PCGF2: variants seen among roughly 807,000 people sequenced by gnomAD.
The protein encoded by PCGF2 is polycomb group ring finger 2.
PCGF2 carries 8 observed loss-of-function variants against 36.1 expected under a neutral mutation model. That is an observed-to-expected ratio of 0.22 (90% CI 0.13 to 0.40). The LOEUF is 0.40. Among genes scored for constraint, PCGF2 ranks in the 10% least tolerant of loss-of-function variants. The pLI is 1.00. For synonymous variants in PCGF2, 198 were observed against 191.2 expected, an observed-to-expected ratio of 1.04 and a Z score of -0.29; for missense variants, 436 against 475.9, an observed-to-expected ratio of 0.92 and a Z score of 0.78.
At chr17:38,738,705 G>A in intron 7 of PCGF2, 48 bp downstream of exon 7, 1 of 1,578,144 alleles carries the variant, frequency 6.3e-7, no homozygotes, top group Non-Finnish European at 8.7e-7. Context: ...GGGAGAAGGG[G>A]TTACCCAGAC....
At chr17:38,736,637 A>T (rs1906759907) in intron 9 of PCGF2, among the ~76,000 whole-genome samples, 1 of 151,940 alleles carries the variant, frequency 6.6e-6, no homozygotes. Context: ...GATCGAGACC[A>T]TCCTGGCTAA....
chr17:38,749,358 C>T (rs950155720), upstream of PCGF2: 16 of 247,692 alleles, frequency 6.5e-5, 1 homozygote, highest in South Asian at 6.3e-4. This position sits in a 1 kb window ranked among gnomAD's most constrained non-coding sequence, Gnocchi z 6.5. Context: ...CGCCCCGGCT[C>T]CACCTGGCGC....
rs1842996222 is a variant in PCGF2 at position 38,735,099 on chromosome 17, A to C, written c.*124T>G. On this transcript the variant is annotated 3_prime_UTR_variant, in exon 11 of 11. Transcript: ENST00000620225. ...TACATATATATATATATTTATTTAT[A>C]AAACCCGCCCCCCACCCCCAAGGTG... The C allele has an allele frequency of 4.6e-6, 3 of 657,958 alleles. No homozygotes were observed. The highest frequency in any genetic ancestry group is 6.9e-6 in the Non-Finnish European group (3 of 437,758). 40.8% of individuals were successfully genotyped at this position (657,958 alleles called of 1,614,324 possible).
At chr17:38,747,207 G>A (rs1907588655) in intron 2 of PCGF2, among the ~76,000 whole-genome samples, 1 of 152,036 alleles carries the variant, frequency 6.6e-6, no homozygotes, top group South Asian at 2.1e-4. Flanking sequence ...GGGGGAGGGC[G>A]AGGGGCAGCC....
chr17:38,735,265 G>C lies in PCGF2; in HGVS notation c.993C>G (p.Arg331=). 2.0e-6 allele frequency: 3 copies of C among 1,467,102 alleles called. No homozygotes were observed. The highest frequency in any genetic ancestry group is 2.7e-6 in the Non-Finnish European group (3 of 1,098,824). The allele number at this position is 1,467,102 out of a possible 1,614,324, so 90.9% of individuals were successfully genotyped here. ...LQTPSSTSRG[R]KMTVNGAPVP... ...CGGGAGCGCCGTTGACAGTCATCTT[G>C]CGCCCCCTGCTGGTGGAGGATGGTG... The change falls in exon 11 of 11, where the codon CGC becomes CGG. Residue 331 remains arginine (R), a synonymous_variant. Coordinates refer to ENST00000620225, the MANE Select transcript of PCGF2 (RefSeq NM_007144.3).
Position 38,738,346 on chromosome 17 carries a change from G to C in PCGF2, c.576+7C>G, listed in dbSNP as rs376320302. 2.9e-5 allele frequency: 47 copies of C among 1,610,780 alleles called. No individual in the cohort carries two copies. The African/African-American group carries it at 5.5e-4, about 19-fold the overall frequency. ...ACACTCATTTTTTGAAAGGCCCAGG[G>C]ACCCACCTTGTACTTGCTGGGCACA... is the stretch of plus-strand genomic sequence containing the variant. On this transcript the variant is annotated splice_region_variant and intron_variant, in intron 9 of 10. Coordinates refer to ENST00000620225, the MANE Select transcript of PCGF2 (RefSeq NM_007144.3).
chr17:38,740,114 C>T (rs1221738694), intron 3 of PCGF2, among the ~76,000 whole-genome samples, 177 bp downstream of exon 3: 2 of 152,246 alleles, frequency 1.3e-5, no homozygotes, highest in African/African-American at 2.4e-5. Flanking sequence ...GGCTGATGCC[C>T]CGCGCCCAGT....
chr17:38,737,142 C>T (rs1444876507), intron 9 of PCGF2, among the ~76,000 whole-genome samples: 1 of 150,548 alleles, frequency 6.6e-6, no homozygotes, highest in African/African-American at 2.5e-5. Context: ...TCTCAAAAAA[C>T]AAACAAACAA....
chr17:38,747,303 G>A (rs1337328971), intron 2 of PCGF2, among the ~76,000 whole-genome samples: 1 of 152,096 alleles, frequency 6.6e-6, no homozygotes, highest in African/African-American at 2.4e-5. Context: ...GGCGTGCGCA[G>A]GGTGGGGTGG....
chr17:38,740,357 G>A lies in PCGF2; in HGVS notation c.46C>T (p.Leu16Phe), dbSNP rs757069949. ...TACCCCCCGCAGAGGGCACACATGA[G>A]GTGGGGGTTCAGCTCTGTGATTTTG... ...RIKITELNPH[L>F]MCALCGGYFI... Residue 16 changes from leucine to phenylalanine, a missense_variant, in exon 3 of 11, where the codon CTC becomes TTC. Transcript: ENST00000620225. 42 of 1,611,076 alleles carry A rather than the reference G, an allele frequency of 2.6e-5. No individual in the cohort carries two copies. The highest frequency in any genetic ancestry group is 1.3e-5 in the Non-Finnish European group (15 of 1,177,698).
At chr17:38,736,833 C>CA (rs759416386) in intron 9 of PCGF2, among the ~76,000 whole-genome samples, 4 of 149,894 alleles carry the variant, frequency 2.7e-5, no homozygotes, top group East Asian at 2.0e-4. Context: ...GACTCCGTCT[C>CA]AAAAAAAACA....
intron 2 of PCGF2, among the ~76,000 whole-genome samples, chr17:38,744,573 T>C (rs1421645708): frequency 2.0e-5 from 3 of 151,962 alleles, no homozygotes; most frequent in Non-Finnish European, 4.4e-5. Context: ...CCAGGCTGGT[T>C]TCCAACTCCT....
chr17:38,739,803 C>T lies in PCGF2; in HGVS notation c.113-121G>A, dbSNP rs1907053319. 2.7e-6 allele frequency: 2 copies of T among 748,788 alleles called. No homozygotes were observed. The allele number at this position is 748,788 out of a possible 1,614,324, so 46.4% of individuals were successfully genotyped here. A position where few individuals can be genotyped will look rare whatever the true frequency, so the allele number is the denominator to read the frequency against. ...CTCCACCCTGTCCCTGCTCCGAGGC[C>T]CAATGTGGCGATGTGTGTTCTGCAC... On this transcript the variant is annotated intron_variant, in intron 3 of 10. Transcript: ENST00000620225. This position sits in a 1 kb window ranked among gnomAD's most constrained non-coding sequence, Gnocchi z 4.0.
Position 38,740,278 on chromosome 17 carries a change from C to G in PCGF2, c.112+13G>C. On this transcript the variant is annotated intron_variant, in intron 3 of 10. Transcript: ENST00000620225. ...GCTGCCCACCCTGAGCAGCTCCCCT[C>G]CCCCCAACTCACAGGAATGCAGGCA... 1 of 1,608,550 alleles carries G rather than the reference C, an allele frequency of 6.2e-7. No individual in the cohort carries two copies. Among genetic ancestry groups the G allele is most frequent in the Non-Finnish European group, 8.5e-7 (1 of 1,174,990 alleles).
chr17:38,747,558 C>A (rs1234977670), intron 2 of PCGF2, among the ~76,000 whole-genome samples: 1 of 114,168 alleles, frequency 8.8e-6, no homozygotes, highest in Non-Finnish European at 1.9e-5. Context: ...TGAGGTGGTT[C>A]GGGGAGGGGG....
At chr17:38,738,626 G>A in intron 7 of PCGF2, 31 bp from the exon 8 acceptor site, 2 of 1,562,976 alleles carry the variant, frequency 1.3e-6, no homozygotes. Context: ...AAGCTAGGAA[G>A]ACCCAGGAAG....
intron 2 of PCGF2, among the ~76,000 whole-genome samples, chr17:38,742,995 C>T (rs945913113): frequency 7.2e-5 from 11 of 152,160 alleles, no homozygotes; most frequent in African/African-American, 2.2e-4. Context: ...TACACATGCA[C>T]GCGTACACAC....
chr17:38,737,587 C>T (rs1334137247), intron 9 of PCGF2, among the ~76,000 whole-genome samples: 1 of 152,170 alleles, frequency 6.6e-6, no homozygotes, highest in African/African-American at 2.4e-5. Context: ...GAGTGTGATC[C>T]ATGGACCTTC....
rs1422830653 is a variant in PCGF2 at position 38,748,309 on chromosome 17, C to G, written c.-247G>C. 1.4e-5 allele frequency: 2 copies of G among 140,592 alleles called. No individual in the cohort carries two copies. Among genetic ancestry groups the G allele is most frequent in the African/African-American group, 2.7e-5 (1 of 37,518 alleles). The allele number at this position is 140,592 out of a possible 1,614,324, so 8.7% of individuals were successfully genotyped here. A position where few individuals can be genotyped will look rare whatever the true frequency, so the allele number is the denominator to read the frequency against. ...GCCCGGGCGGCGGGAGGGGAGAAACCTACGGTAAGAAAGGAGTTTGTGAAA... is the reference window on the plus strand; with the variant it reads ...GCCCGGGCGGCGGGAGGGGAGAAACGTACGGTAAGAAAGGAGTTTGTGAAA... On this transcript the variant is annotated 5_prime_UTR_variant, in exon 1 of 11. Coordinates refer to ENST00000620225, the MANE Select transcript of PCGF2 (RefSeq NM_007144.3).
Sources: gnomAD v4.1 joint callset for allele counts (sites outside exome capture counted in the v4.1 genomes callset) on GRCh38, gnomAD v4.1.1 for gene constraint, Gnocchi (gnomAD v3.1) non-coding constraint, MANE v1.5 for transcripts, NCBI Gene and HGNC (gene_info 2026-07-23, HGNC 2026-07-21) for gene names.